The following PCDH9 variants were observed in gnomAD, a reference collection of about 807,000 sequenced individuals.
PCDH9 encodes protocadherin-9.
PCDH9 carries 24 observed loss-of-function variants against 70.6 expected under a neutral mutation model. The observed-to-expected ratio is 0.34, with a 90% CI of 0.25 to 0.48. The LOEUF is 0.48. Among genes scored for constraint, PCDH9 ranks in the 20% least tolerant of loss-of-function variants. The pLI is 0.99. For synonymous variants in PCDH9, 562 were observed against 558.5 expected, an observed-to-expected ratio of 1.01 and a Z score of -0.09; for missense variants, 1,281 against 1,503.6, an observed-to-expected ratio of 0.85 and a Z score of 2.45.
chr13:66,424,728 A>C (rs1450772274), intron 4 of PCDH9, among the ~76,000 whole-genome samples: 1 of 151,990 alleles, frequency 6.6e-6, no homozygotes, highest in Non-Finnish European at 1.5e-5. Flanking sequence ...AAAAAGGTGA[A>C]GAAACAATTT....
intron 4 of PCDH9, among the ~76,000 whole-genome samples, chr13:66,562,755 C>T (rs902224670): frequency 1.3e-5 from 2 of 152,000 alleles, no homozygotes; most frequent in Non-Finnish European, 2.9e-5. Flanking sequence ...CCTGAGTGGT[C>T]AGAGCAAAGC....
intron 3 of PCDH9, among the ~76,000 whole-genome samples, chr13:66,819,385 A>T (rs1345693210): frequency 6.6e-6 from 1 of 152,074 alleles, no homozygotes; most frequent in East Asian, 1.9e-4. Context: ...TAAAATGAAT[A>T]ACCTTGGAAG....
chr13:66,452,400 A>AT (rs1018358458), intron 4 of PCDH9, among the ~76,000 whole-genome samples: 1 of 151,996 alleles, frequency 6.6e-6, no homozygotes, highest in African/African-American at 2.4e-5. Context: ...ACATTTTAGC[A>AT]TTTTCCCCAT....
Position 66,522,036 on chromosome 13 carries a change from CATAT to C in PCDH9, c.3340+109170_3340+109173del, listed in dbSNP as rs34150352. On this transcript the variant is annotated intron_variant, in intron 4 of 4. Transcript: ENST00000377865. Reference sequence around the variant, plus strand: ...AAAAAAGTATGTGTGTGTATATATACATATATATATATATATAGTTTTATACATA... The same window carrying C: ...AAAAAAGTATGTGTGTGTATATATACATATATATATATAGTTTTATACATA... Among the ~76,000 whole-genome samples, 57 of 145,216 alleles carry C rather than the reference CATAT, an allele frequency of 3.9e-4. No individual in the cohort carries two copies. In the Middle Eastern group the frequency reaches 0.011, roughly 27 times the overall value.
chr13:66,615,869 C>T (rs2077349197), intron 4 of PCDH9, among the ~76,000 whole-genome samples: 1 of 152,174 alleles, frequency 6.6e-6, no homozygotes, highest in African/African-American at 2.4e-5. Context: ...ACTGGTTCCT[C>T]TAAAATTTGG....
intron 4 of PCDH9, among the ~76,000 whole-genome samples, chr13:66,482,034 A>T (rs1478397079): frequency 1.3e-5 from 2 of 152,174 alleles, no homozygotes; most frequent in African/African-American, 4.8e-5. Context: ...GTGTTCACCA[A>T]AAACCATAAA....
At chr13:66,787,344 G>C (rs1251630702) in intron 3 of PCDH9, among the ~76,000 whole-genome samples, 4 of 152,116 alleles carry the variant, frequency 2.6e-5, no homozygotes, top group Non-Finnish European at 5.9e-5. Context: ...GGCCAGGCGT[G>C]GTGGCTCACG....
intron 4 of PCDH9, among the ~76,000 whole-genome samples, chr13:66,384,832 T>A (rs1043758407): frequency 1.3e-4 from 6 of 47,932 alleles, no homozygotes; most frequent in African/African-American, 2.7e-4. Context: ...TCCCAGATAA[T>A]TTTTTTTTGT....
At position 67,226,606 on chromosome 13, in the gene PCDH9, A is replaced by G; in HGVS notation, c.1835T>C (p.Leu612Pro). 6.2e-7 allele frequency: 1 copy of G among 1,614,074 alleles called. No individual in the cohort carries two copies. Residue 612 changes from leucine to proline, a missense_variant, in exon 2 of 5, where the codon CTA (leucine) becomes CCA (proline). Coordinates refer to ENST00000377865, the MANE Select transcript of PCDH9 (RefSeq NM_203487.3). This position sits in a 1 kb window ranked among gnomAD's most constrained non-coding sequence, Gnocchi z 5.0. ...GENKAVTLSI[L>P]NDNDNFVLDP... ...CAACACAAAATTATCATTGTCATTT[A>G]GAATGGAAAGAGTCACAGCTTTATT...
chr13:67,084,986 A>C (rs2086069411), intron 2 of PCDH9, among the ~76,000 whole-genome samples: 1 of 82,062 alleles, frequency 1.2e-5, no homozygotes, highest in Non-Finnish European at 2.4e-5. Context: ...AAAAAAAAAA[A>C]AAAAAAAAAA....
At chr13:66,459,805 C>A (rs917800631) in intron 4 of PCDH9, among the ~76,000 whole-genome samples, 4 of 151,910 alleles carry the variant, frequency 2.6e-5, no homozygotes, top group African/African-American at 7.2e-5. Context: ...AGATTCAATA[C>A]AGTTAGCTCT....
intron 3 of PCDH9, among the ~76,000 whole-genome samples, chr13:66,801,903 A>G (rs1293010167): frequency 1.3e-5 from 2 of 152,074 alleles, no homozygotes; most frequent in African/African-American, 2.4e-5. Context: ...TTTAAACTGC[A>G]TACTCAACAA....
chr13:66,374,831 A>G (rs1368175441), intron 4 of PCDH9, among the ~76,000 whole-genome samples: 1 of 152,118 alleles, frequency 6.6e-6, no homozygotes. Context: ...TTGAGCAACA[A>G]GATGTATTTC....
At chr13:67,116,806 T>G (rs2086785333) in intron 2 of PCDH9, among the ~76,000 whole-genome samples, 1 of 152,176 alleles carries the variant, frequency 6.6e-6, no homozygotes, top group Admixed American at 6.5e-5. Context: ...GAGCCCAATA[T>G]ACATACTTTC....
intron 3 of PCDH9, among the ~76,000 whole-genome samples, chr13:66,799,025 G>GGTTGGTCTCAAACT (rs1203392389): frequency 6.6e-6 from 1 of 152,098 alleles, no homozygotes; most frequent in Non-Finnish European, 1.5e-5. Flanking sequence ...ACCTTAGCCA[G>GGTTGGTCTCAAACT]GTTGGTCTCA....
intron 2 of PCDH9, chr13:67,217,800 T>G (rs1374324931): frequency 1.3e-5 from 2 of 151,924 alleles, no homozygotes; most frequent in African/African-American, 4.8e-5. Context: ...CATACACAAT[T>G]GAGAGTTTCT....
chr13:66,718,725 C>A (rs1380718053), intron 3 of PCDH9, among the ~76,000 whole-genome samples: 1 of 152,126 alleles, frequency 6.6e-6, no homozygotes, highest in Non-Finnish European at 1.5e-5. Context: ...ACAAAAGCAC[C>A]AAAAGAAATG....
At chr13:66,838,191 C>T (rs1014991006) in intron 3 of PCDH9, among the ~76,000 whole-genome samples, 8 of 152,090 alleles carry the variant, frequency 5.3e-5, no homozygotes, top group Admixed American at 5.2e-4. Context: ...CTCAACAACT[C>T]ATTACAGTCT....
chr13:67,009,072 A>G (rs1449377068), intron 2 of PCDH9, among the ~76,000 whole-genome samples: 3 of 152,036 alleles, frequency 2.0e-5, no homozygotes, highest in African/African-American at 7.2e-5. Context: ...TCATTATAGC[A>G]GCTCAGAGCC....
Sources: gnomAD v4.1 joint callset for allele counts (sites outside exome capture counted in the v4.1 genomes callset) on GRCh38, gnomAD v4.1.1 for gene constraint, Gnocchi (gnomAD v3.1) non-coding constraint, MANE v1.5 for transcripts, NCBI Gene and HGNC (gene_info 2026-07-23, HGNC 2026-07-21) for gene names.